ACAD8: variants seen among roughly 807,000 people sequenced by gnomAD.
The protein encoded by ACAD8 is acyl-CoA dehydrogenase family member 8, also known as isobutyryl-CoA dehydrogenase, mitochondrial.
Under a neutral mutation model 53.1 loss-of-function variants are expected in ACAD8, and 47 were observed. That is an observed-to-expected ratio of 0.89 (90% CI 0.70 to 1.13). The LOEUF is 1.13. Among genes scored for constraint, ACAD8 ranks in the 50% most tolerant of loss-of-function variants. ACAD8 has a pLI of 0.00. For synonymous variants in ACAD8, 198 were observed against 201.3 expected (o/e 0.98, Z 0.14); for missense variants, 494 against 535.0 (o/e 0.92, Z 0.76).
In ACAD8 at chr11:134,261,683, A is replaced by G; in HGVS notation, c.940-55A>G. On this transcript the variant is annotated intron_variant, in intron 8 of 10. Coordinates refer to ENST00000281182, the MANE Select transcript of ACAD8 (RefSeq NM_014384.3). This position sits in a 1 kb window ranked among gnomAD's most constrained non-coding sequence, Gnocchi z 4.2. ...GATGTCTTACCGAGGCTCCTGCACC[A>G]GGTGCTGGTCTAAGCCCCTCAGTCT... 1 of 1,609,192 alleles carries G rather than the reference A, an allele frequency of 6.2e-7. No individual in the cohort carries two copies. The highest frequency in any genetic ancestry group is 8.5e-7 in the Non-Finnish European group (1 of 1,179,844).
intron 1 of ACAD8, among the ~76,000 whole-genome samples, chr11:134,255,728 C>T (rs976155333): frequency 6.6e-6 from 1 of 152,188 alleles, no homozygotes; most frequent in Non-Finnish European, 1.5e-5. Flanking sequence ...GTACTGATCA[C>T]AGAAAGCAGT....
intron 5 of ACAD8, 183 bp from the exon 6 acceptor site, chr11:134,259,425 G>A (rs1020124747): frequency 1.2e-5 from 7 of 578,544 alleles, no homozygotes; most frequent in Middle Eastern, 9.0e-4. Context: ...CAGTCTCTGT[G>A]CCATTGGACC....
intron 1 of ACAD8, 114 bp from the exon 2 acceptor site, chr11:134,256,434 A>G: frequency 1.3e-6 from 1 of 791,766 alleles, no homozygotes; most frequent in Non-Finnish European, 2.2e-6. Flanking sequence ...TATACCGTGT[A>G]TGGGAAATAC....
chr11:134,264,831 GA>G, intron 10 of ACAD8, 76 bp from the exon 11 acceptor site: 1 of 1,318,788 alleles, frequency 7.6e-7, no homozygotes, highest in Non-Finnish European at 1.1e-6. Flanking sequence ...ACTAGGCCTG[GA>G]GCAGCCTGGT....
At position 134,254,296 on chromosome 11, in the gene ACAD8, T is replaced by C. The variant is rs185587666; in HGVS notation, c.109+587T>C. 1.0e-3 allele frequency among the ~76,000 whole-genome samples: 153 copies of C among 152,344 alleles called. 2 individuals carry two copies. The highest frequency in any genetic ancestry group is 3.3e-3 in the Admixed American group (50 of 15,306). On this transcript the variant is annotated intron_variant, in intron 1 of 10. Coordinates refer to ENST00000281182, the MANE Select transcript of ACAD8 (RefSeq NM_014384.3). ...GATTTGGTATCTTAACACCTCTGGCTATAAGACACTTTTAGTGTTGAAACT... is the reference window on the plus strand; with the variant it reads ...GATTTGGTATCTTAACACCTCTGGCCATAAGACACTTTTAGTGTTGAAACT...
At chr11:134,256,461 T>C in intron 1 of ACAD8, 87 bp from the exon 2 acceptor site, 1 of 1,050,366 alleles carries the variant, frequency 9.5e-7, no homozygotes, top group East Asian at 2.4e-5. Flanking sequence ...AGATCCACTT[T>C]CACAACTTCG....
At chr11:134,254,391 G>A (rs1939351044) in intron 1 of ACAD8, among the ~76,000 whole-genome samples, 1 of 152,234 alleles carries the variant, frequency 6.6e-6, no homozygotes, top group Non-Finnish European at 1.5e-5. Context: ...AGTGTCTTTA[G>A]GCTCTGAACA....
At chr11:134,254,693 G>A (rs1260353225) in intron 1 of ACAD8, among the ~76,000 whole-genome samples, 2 of 152,192 alleles carry the variant, frequency 1.3e-5, no homozygotes, top group Admixed American at 6.5e-5. Context: ...AAGCAGATAA[G>A]GAATTATTTA....
chr11:134,256,488 C>T, intron 1 of ACAD8, 60 bp from the exon 2 acceptor site: 2 of 1,404,360 alleles, frequency 1.4e-6, no homozygotes, highest in Non-Finnish European at 2.0e-6. Flanking sequence ...TTCTTGTTGG[C>T]AACACCTTGT....
chr11:134,257,249 C>A lies in ACAD8; in HGVS notation c.372C>A (p.Ser124Arg). The A allele has an allele frequency of 6.2e-7, 1 of 1,614,198 alleles. No homozygotes were observed. The highest frequency in any genetic ancestry group is 1.1e-5 in the South Asian group (1 of 91,086). Residue 124 changes from serine to arginine, a missense_variant, in exon 3 of 11, where the codon AGC becomes AGA. Physicochemically the swap from Ser to Arg is moderately radical, Grantham distance 110. Coordinates refer to ENST00000281182, the MANE Select transcript of ACAD8 (RefSeq NM_014384.3). ...GCACCAGCACCACAGCCTATATAAG[C>A]ATCCACAAGTGAGTGCCCAAGCTTG... ...TGCTSTTAYI[S>R]IHNMCAWMID...
In ACAD8 at chr11:134,257,166, G is replaced by A. The variant is rs371033488; in HGVS notation, c.289G>A (p.Gly97Arg). The A allele has an allele frequency of 2.4e-5, 38 of 1,614,050 alleles. No homozygotes were observed. The highest frequency in any genetic ancestry group is 1.6e-4 in the Middle Eastern group (1 of 6,084). ...GGTCTACATACAAACAGATGTGGGC[G>A]GGTCTGGGCTGTCACGTCTTGATAC... ...GGVYIQTDVG[G>R]SGLSRLDTSV... is the part of the protein sequence containing the mutation. The change falls in exon 3 of 11, where the codon GGG (glycine) becomes AGG (arginine). Residue 97 changes from glycine (G) to arginine (R), a missense_variant. Coordinates refer to ENST00000281182, the MANE Select transcript of ACAD8 (RefSeq NM_014384.3).
Position 134,261,679 on chromosome 11 carries a change from C to T in ACAD8, c.940-59C>T. 3 of 1,608,792 alleles carry T rather than the reference C, an allele frequency of 1.9e-6. No homozygotes were observed. The highest frequency in any genetic ancestry group is 2.5e-6 in the Non-Finnish European group (3 of 1,179,848). On this transcript the variant is annotated intron_variant, in intron 8 of 10. Transcript: ENST00000281182. This position sits in a 1 kb window ranked among gnomAD's most constrained non-coding sequence, Gnocchi z 4.2. Reference sequence around the variant, plus strand: ...CCGAGATGTCTTACCGAGGCTCCTGCACCAGGTGCTGGTCTAAGCCCCTCA... The same window carrying T: ...CCGAGATGTCTTACCGAGGCTCCTGTACCAGGTGCTGGTCTAAGCCCCTCA...
At chr11:134,262,084 A>G (rs1939914016) in intron 9 of ACAD8, 194 bp downstream of exon 9, 3 of 709,018 alleles carry the variant, frequency 4.2e-6, no homozygotes, top group Non-Finnish European at 5.0e-6. Context: ...GGCCTGCTGC[A>G]TGCCATTATA....
Position 134,262,576 on chromosome 11 carries a change from T to C in ACAD8, c.1149T>C (p.Ala383=). The change falls in exon 10 of 11, where the codon GCT becomes GCC. Residue 383 remains alanine (A), a synonymous_variant. Transcript: ENST00000281182. The stretch of plus-strand genomic sequence containing the variant: ...GCTACGGCTACCTGAAGGATTACGC[T>C]GTTCAGCAGTACGTGCGGGACTCCA... ...HGGYGYLKDY[A]VQQYVRDSRV... 1 of 1,614,120 alleles carries C rather than the reference T, an allele frequency of 6.2e-7. No homozygotes were observed. Among genetic ancestry groups the C allele is most frequent in the East Asian group, 2.2e-5 (1 of 44,874 alleles).
intron 6 of ACAD8, chr11:134,259,952 G>A: frequency 7.0e-7 from 1 of 1,427,018 alleles, no homozygotes; most frequent in East Asian, 2.9e-5. Context: ...GACAATGTTT[G>A]CCAGTAAATT....
At position 134,259,714 on chromosome 11, in the gene ACAD8, CT is replaced by C. The variant is rs1359497805; in HGVS notation, c.675del (p.Gly226AlafsTer21). The C allele has an allele frequency of 6.2e-7, 1 of 1,614,224 alleles. No individual in the cohort carries two copies. Among genetic ancestry groups the C allele is most frequent in the Non-Finnish European group, 8.5e-7 (1 of 1,180,044 alleles). On this transcript the variant is annotated frameshift_variant, in exon 6 of 11. Transcript: ENST00000281182. LOFTEE classifies it high-confidence loss of function. ...TGCATAGTTGTTGAGAAGGGGACCCCTGGCCTCAGCTTTGGCAAGAAGGAGA... is the reference window on the plus strand; with the variant it reads ...TGCATAGTTGTTGAGAAGGGGACCCCGGCCTCAGCTTTGGCAAGAAGGAGA... ...ISCIVVEKGT[P>X]GLSFGKKEKK...
At chr11:134,254,839 C>T (rs917529589) in intron 1 of ACAD8, among the ~76,000 whole-genome samples, 1 of 152,204 alleles carries the variant, frequency 6.6e-6, no homozygotes, top group Non-Finnish European at 1.5e-5. Context: ...ATCTTGAGCT[C>T]TGCTAGTAAC....
chr11:134,258,122 T>A, intron 3 of ACAD8: 1 of 331,562 alleles, frequency 3.0e-6, no homozygotes, highest in Non-Finnish European at 5.9e-6. Context: ...AGTGCTGGGA[T>A]TACAGATGTG....
rs369445365 is a variant in ACAD8, at chr11:134,259,656, C to T, written c.616C>T (p.Arg206Ter). The T allele has an allele frequency of 1.2e-5, 20 of 1,613,996 alleles. No homozygotes were observed. Among genetic ancestry groups the T allele is most frequent in the African/African-American group, 9.3e-5 (7 of 74,896 alleles). ...GESDIYVVMC[R>*]TGGPGPKGIS... ...GTCAGACATCTATGTGGTCATGTGC[C>T]GAACAGGAGGACCAGGCCCCAAGGG... is the stretch of plus-strand genomic sequence containing the variant. Residue 206 changes from arginine to a stop codon, truncating the protein, a stop_gained, in exon 6 of 11, where the codon CGA (arginine) becomes TGA (stop). Coordinates refer to ENST00000281182, the MANE Select transcript of ACAD8 (RefSeq NM_014384.3). LOFTEE classifies it high-confidence loss of function.
Sources: gnomAD v4.1 joint callset for allele counts (sites outside exome capture counted in the v4.1 genomes callset) on GRCh38, gnomAD v4.1.1 for gene constraint, Gnocchi (gnomAD v3.1) non-coding constraint, MANE v1.5 for transcripts, NCBI Gene and HGNC (gene_info 2026-07-23, HGNC 2026-07-21) for gene names.